Variants in PRKCH observed in about 807,000 individuals in gnomAD.
PRKCH encodes protein kinase C eta type.
Under a neutral mutation model 82.5 loss-of-function variants are expected in PRKCH, and 28 were observed. That is an observed-to-expected ratio of 0.34 (90% CI 0.25 to 0.47). The LOEUF (loss-of-function observed/expected upper bound fraction) is 0.47. Ranked by LOEUF, PRKCH falls within the 20% of genes least tolerant of loss-of-function variation. PRKCH has a pLI of 1.00. For missense variants in PRKCH, 705 were observed against 881.8 expected (o/e 0.80, Z 2.54); for synonymous variants, 322 against 327.4 (o/e 0.98, Z 0.18).
In PRKCH at chr14:61,201,080, C is replaced by T. The variant is rs376110292; in HGVS notation, c.-19+13412C>T. On this transcript the variant is annotated intron_variant, in intron 1 of 3. Coordinates refer to the PRKCH transcript ENST00000555185. ...TGATGAAGTGTCAAGAGAGAGAATC[C>T]GTTTAACTGTGGTACTCGGAATATT... 7.9e-5 allele frequency among the ~76,000 whole-genome samples: 12 copies of T among 152,106 alleles called. No individual in the cohort carries two copies. In the East Asian group the frequency reaches 9.7e-4, roughly 12 times the overall value.
Position 61,424,116 on chromosome 14 carries a change from C to T in PRKCH, c.428-18995C>T, listed in dbSNP as rs56361011. Among the ~76,000 whole-genome samples, 1,153 of 152,298 alleles carry T rather than the reference C, an allele frequency of 7.6e-3. 6 individuals are homozygous for T. The highest frequency in any genetic ancestry group is 0.01 in the Middle Eastern group (3 of 294). On this transcript the variant is annotated intron_variant, in intron 2 of 13. Coordinates refer to ENST00000332981, the MANE Select transcript of PRKCH (RefSeq NM_006255.5). ...CCCTTATGCCATGATTATAAGTTTCCTGAGGCCTCCCTAGCCATGTGGAAC... is the reference window on the plus strand; with the variant it reads ...CCCTTATGCCATGATTATAAGTTTCTTGAGGCCTCCCTAGCCATGTGGAAC...
chr14:61,383,240 A>G (rs1284562965), intron 1 of PRKCH, among the ~76,000 whole-genome samples: 1 of 152,186 alleles, frequency 6.6e-6, no homozygotes, highest in Non-Finnish European at 1.5e-5. Flanking sequence ...GGACTATTCT[A>G]TAGTAAATAT....
chr14:61,292,705 AG>A (rs2045374213), intron 1 of PRKCH, among the ~76,000 whole-genome samples: 1 of 134,142 alleles, frequency 7.5e-6, no homozygotes, highest in African/African-American at 2.7e-5. Context: ...CGGGAGGCGG[AG>A]GTTGCAGTGA....
chr14:61,236,710 C>CAA (rs35185475), intron 1 of PRKCH, among the ~76,000 whole-genome samples: 972 of 87,610 alleles, frequency 0.011, 12 homozygotes, highest in Non-Finnish European at 0.014. Flanking sequence ...TGTCTCAAAA[C>CAA]AAAAAAAAAA....
chr14:61,503,309 T>TC (rs59287145), intron 10 of PRKCH, among the ~76,000 whole-genome samples: 5 of 151,326 alleles, frequency 3.3e-5, no homozygotes, highest in Admixed American at 6.6e-5. Context: ...TTTTTTTTTT[T>TC]CCTGTAAGAA....
intron 1 of PRKCH, among the ~76,000 whole-genome samples, chr14:61,264,202 G>C (rs1275152569): frequency 1.3e-5 from 2 of 152,100 alleles, no homozygotes; most frequent in Non-Finnish European, 2.9e-5. Flanking sequence ...AGTCTTGTCT[G>C]TTAAGAACAT....
intron 1 of PRKCH, chr14:61,279,105 T>G (rs2045232038): frequency 1.3e-5 from 2 of 152,130 alleles, no homozygotes; most frequent in Non-Finnish European, 2.9e-5. Flanking sequence ...GATTCTACGT[T>G]AAAGCATTTC....
chr14:61,363,960 A>G (rs1235288973), intron 1 of PRKCH, among the ~76,000 whole-genome samples: 2 of 141,974 alleles, frequency 1.4e-5, no homozygotes, highest in East Asian at 2.0e-4. Context: ...AATTTTATAT[A>G]TATACGTGTG....
At chr14:61,401,483 G>C (rs1881615804) in intron 2 of PRKCH, among the ~76,000 whole-genome samples, 1 of 152,216 alleles carries the variant, frequency 6.6e-6, no homozygotes, top group Non-Finnish European at 1.5e-5. Flanking sequence ...GAAGTCTGCA[G>C]TTCCAAACTG....
chr14:61,238,580 A>G (rs2044809687), intron 1 of PRKCH, among the ~76,000 whole-genome samples: 1 of 152,052 alleles, frequency 6.6e-6, no homozygotes, highest in Admixed American at 6.6e-5. Context: ...TATTCACCTC[A>G]TTTCTTGGTA....
At chr14:61,429,196 C>T (rs1264749365) in intron 2 of PRKCH, among the ~76,000 whole-genome samples, 1 of 152,172 alleles carries the variant, frequency 6.6e-6, no homozygotes, top group Non-Finnish European at 1.5e-5. Flanking sequence ...CTACCCTCTT[C>T]TTCAATACAA....
intron 1 of PRKCH, among the ~76,000 whole-genome samples, chr14:61,245,029 C>A (rs1043101513): frequency 2.6e-5 from 4 of 152,154 alleles, no homozygotes; most frequent in African/African-American, 9.7e-5. Context: ...GTTTCTTAAC[C>A]CTTGAAGACT....
At chr14:61,430,630 GCAA>G (rs1173160575) in intron 2 of PRKCH, among the ~76,000 whole-genome samples, 2 of 152,142 alleles carry the variant, frequency 1.3e-5, no homozygotes, top group Admixed American at 1.3e-4. Flanking sequence ...GGAATGTCAG[GCAA>G]CCATCAGGTG....
chr14:61,505,395 C>CTTTTTCTTTTTTTTTTTTTT lies in PRKCH; in HGVS notation c.1433+19744_1433+19745insCTTTTTTTTTTTTTTTTTTT, dbSNP rs1887099057. Among the ~76,000 whole-genome samples, 34 of 55,764 alleles carry CTTTTTCTTTTTTTTTTTTTT rather than the reference C, an allele frequency of 6.1e-4. 3 individuals carry two copies. The highest frequency in any genetic ancestry group is 1.6e-3 in the African/African-American group (24 of 15,396). The allele number at this position is 55,764 out of a possible 152,430, so 36.6% of individuals were successfully genotyped here. The stretch of plus-strand genomic sequence containing the variant: ...TTTGTCTTTTCTTTTCTTTTCTTTT[C>CTTTTTCTTTTTTTTTTTTTT]TTTTTTTTTTTTTTTTTTTTTTTTT... On this transcript the variant is annotated intron_variant, in intron 10 of 13. Transcript: ENST00000332981.
chr14:61,404,837 A>C (rs1450315104), intron 2 of PRKCH, among the ~76,000 whole-genome samples: 1 of 152,178 alleles, frequency 6.6e-6, no homozygotes, highest in Non-Finnish European at 1.5e-5. Flanking sequence ...AGGAAGTGCA[A>C]ATACTGTAAG....
In PRKCH at chr14:61,530,282, C is replaced by G. The variant is rs956725756; in HGVS notation, c.1573-125C>G. Reference sequence around the variant, plus strand: ...GTAGAAATGGAATGAAATACGCTTGCTAGCACAGGAGACTTTTTTAAAAAA... The same window carrying G: ...GTAGAAATGGAATGAAATACGCTTGGTAGCACAGGAGACTTTTTTAAAAAA... On this transcript the variant is annotated intron_variant, in intron 11 of 13. Transcript: ENST00000332981. 4 of 1,058,520 alleles carry G rather than the reference C, an allele frequency of 3.8e-6. No homozygotes were observed. The Admixed American group carries it at 1.1e-4, about 29-fold the overall frequency. 65.6% of individuals were successfully genotyped at this position (1,058,520 alleles called of 1,614,324 possible).
intron 12 of PRKCH, among the ~76,000 whole-genome samples, chr14:61,534,501 T>G (rs2043082536): frequency 6.6e-6 from 1 of 152,234 alleles, no homozygotes; most frequent in South Asian, 2.1e-4. Flanking sequence ...CTTCAAGAGT[T>G]CCTCATGTGA....
At chr14:61,545,282 T>A (rs1440992856) in intron 12 of PRKCH, 1 of 152,266 alleles carries the variant, frequency 6.6e-6, no homozygotes, top group Non-Finnish European at 1.5e-5. Context: ...CACGAGGCTG[T>A]CACTTGCCTT....
At chr14:61,370,241 C>T (rs2046348228) in intron 1 of PRKCH, among the ~76,000 whole-genome samples, 1 of 152,254 alleles carries the variant, frequency 6.6e-6, no homozygotes, top group South Asian at 2.1e-4. Context: ...CCGCACCCGG[C>T]CATGTGTGTT....
Sources: gnomAD v4.1 joint callset for allele counts (sites outside exome capture counted in the v4.1 genomes callset) on GRCh38, gnomAD v4.1.1 for gene constraint, MANE v1.5 for transcripts, NCBI Gene and HGNC (gene_info 2026-07-23, HGNC 2026-07-21) for gene names.